Variants in AGAP1 observed in about 807,000 individuals in gnomAD.
AGAP1 encodes the protein ArfGAP with GTPase domain, ankyrin repeat and PH domain 1, also known as arf-GAP with GTPase, ANK repeat and PH domain-containing protein 1.
A neutral mutation model predicts 105.3 loss-of-function variants in AGAP1; 29 were observed. That is an observed-to-expected ratio of 0.28 (90% confidence interval 0.21 to 0.38). AGAP1 has a LOEUF of 0.38. Among genes scored for constraint, AGAP1 ranks in the 10% least tolerant of loss-of-function variants. AGAP1 has a pLI of 1.00. For missense variants in AGAP1, 998 were observed against 1,165.1 expected (o/e 0.86, Z 2.09); for synonymous variants, 509 against 485.9 (o/e 1.05, Z -0.63).
In AGAP1 at chr2:235,970,371, G is replaced by T. The variant is rs753811478; in HGVS notation, c.1645+1748G>T. On this transcript the variant is annotated intron_variant, in intron 13 of 17. Coordinates refer to ENST00000304032, the MANE Select transcript of AGAP1 (RefSeq NM_001037131.3). This position sits in a 1 kb window ranked among gnomAD's most constrained non-coding sequence, Gnocchi z 5.4. The stretch of plus-strand genomic sequence containing the variant: ...GTATCAGCCGCAGGCGCTCTGTGTT[G>T]GTAAGACTCCTTCAGACAACCGTTG... Among the ~76,000 whole-genome samples, 1 of 152,140 alleles carries T rather than the reference G, an allele frequency of 6.6e-6. No individual in the cohort carries two copies. Among genetic ancestry groups the T allele is most frequent in the Non-Finnish European group, 1.5e-5 (1 of 68,036 alleles).
rs1952309211 is a variant in AGAP1 at position 235,737,286 on chromosome 2, T to C, written c.311-3677T>C. On this transcript the variant is annotated intron_variant, in intron 3 of 17. Transcript: ENST00000304032. The surrounding 1 kb of genome is among the most constrained non-coding windows in gnomAD (Gnocchi z 4.5). ...GATTTAAGTGTAATACGAAAAAAAA[T>C]CATGCAAATCAATTACCAGTATCTG... is the stretch of plus-strand genomic sequence containing the variant. Among the ~76,000 whole-genome samples, 1 of 152,152 alleles carries C rather than the reference T, an allele frequency of 6.6e-6. No homozygotes were observed. Among genetic ancestry groups the C allele is most frequent in the Admixed American group, 6.5e-5 (1 of 15,278 alleles).
In AGAP1 at chr2:236,055,583, C is replaced by T. The variant is rs1193453616; in HGVS notation, c.2114+6302C>T. On this transcript the variant is annotated intron_variant, in intron 16 of 17. Transcript: ENST00000304032. The surrounding 1 kb of genome is among the most constrained non-coding windows in gnomAD (Gnocchi z 6.2). ...AGTGGGCCTGCCCTGGCCCCAGCCG[C>T]AGAGCGGGTCCACCCTCCCAGTTTC... 6.6e-6 allele frequency among the ~76,000 whole-genome samples: 1 copy of T among 152,286 alleles called. No homozygotes were observed. Among genetic ancestry groups the T allele is most frequent in the Non-Finnish European group, 1.5e-5 (1 of 68,056 alleles).
Position 235,877,616 on chromosome 2 carries a change from G to A in AGAP1, c.1051-5729G>A, listed in dbSNP as rs1043638354. The stretch of plus-strand genomic sequence containing the variant: ...AGCACCACTCATGACCTAGGAAGTC[G>A]GAGATGCCAACTCGGGCAGTGGAAT... On this transcript the variant is annotated intron_variant, in intron 9 of 17. Transcript: ENST00000304032. This position sits in a 1 kb window ranked among gnomAD's most constrained non-coding sequence, Gnocchi z 4.3. 6.6e-6 allele frequency among the ~76,000 whole-genome samples: 1 copy of A among 152,160 alleles called. No homozygotes were observed. The highest frequency in any genetic ancestry group is 2.4e-5 in the African/African-American group (1 of 41,436).
At position 236,061,439 on chromosome 2, in the gene AGAP1, G is replaced by A. The variant is rs559534683; in HGVS notation, c.2114+12158G>A. On this transcript the variant is annotated intron_variant, in intron 16 of 17. Transcript: ENST00000304032. The surrounding 1 kb of genome is among the most constrained non-coding windows in gnomAD (Gnocchi z 4.1). ...ACATCATTCATAATAGCCAAAAAGT[G>A]AAAGTAACCCAGGTGTCCCTCTGTG... Among the ~76,000 whole-genome samples the A allele has an allele frequency of 2.5e-4, 38 of 152,288 alleles. No individual in the cohort carries two copies. The highest frequency in any genetic ancestry group is 8.9e-4 in the African/African-American group (37 of 41,556).
chr2:235,978,335 T>G (rs1462518029), intron 13 of AGAP1, among the ~76,000 whole-genome samples: 1 of 151,714 alleles, frequency 6.6e-6, no homozygotes, highest in African/African-American at 2.4e-5. Flanking sequence ...TTTCATGGAC[T>G]GTCTCAGGTC....
chr2:235,729,768 G>A lies in AGAP1; in HGVS notation c.311-11195G>A, dbSNP rs1167912291. ...GCAGTTAGAAGAGTAAAGTGCATCT[G>A]TCAACAAAAGAAATACCAAAGATGA... On this transcript the variant is annotated intron_variant, in intron 3 of 17. Coordinates refer to ENST00000304032, the MANE Select transcript of AGAP1 (RefSeq NM_001037131.3). The surrounding 1 kb of genome is among the most constrained non-coding windows in gnomAD (Gnocchi z 5.0). Among the ~76,000 whole-genome samples the A allele has an allele frequency of 3.9e-5, 6 of 152,276 alleles. No homozygotes were observed. The highest frequency in any genetic ancestry group is 1.4e-4 in the African/African-American group (6 of 41,530).
rs933068241 is a variant in AGAP1, at chr2:235,741,490, C to A, written c.396+442C>A. Among the ~76,000 whole-genome samples the A allele has an allele frequency of 6.6e-6, 1 of 152,204 alleles. No individual in the cohort carries two copies. The highest frequency in any genetic ancestry group is 6.5e-5 in the Admixed American group (1 of 15,280). Reference sequence around the variant, plus strand: ...TGTCTCTGGTAACTACAGGCATTGGCCCCTCTGTGCCGCCCTGGCCTTGGC... The same window carrying A: ...TGTCTCTGGTAACTACAGGCATTGGACCCTCTGTGCCGCCCTGGCCTTGGC... On this transcript the variant is annotated intron_variant, in intron 4 of 17. Coordinates refer to ENST00000304032, the MANE Select transcript of AGAP1 (RefSeq NM_001037131.3). The surrounding 1 kb of genome is among the most constrained non-coding windows in gnomAD (Gnocchi z 4.9).
Position 235,702,163 on chromosome 2 carries a change from C to T in AGAP1, c.164-7016C>T, listed in dbSNP as rs76182168. On this transcript the variant is annotated intron_variant, in intron 1 of 17. Transcript: ENST00000304032. ...AATTGGGGGCTGGGCTGGGGGTGAA[C>T]GTGACACGGGAGACCATCAAGTCAT... Among the ~76,000 whole-genome samples the T allele has an allele frequency of 4.7e-3, 712 of 152,074 alleles. 6 individuals carry two copies. Among genetic ancestry groups the T allele is most frequent in the African/African-American group, 0.015 (627 of 41,492 alleles).
Position 235,927,039 on chromosome 2 carries a change from T to TA in AGAP1, c.1325-3725dup, listed in dbSNP as rs1232874183. On this transcript the variant is annotated intron_variant, in intron 11 of 17. Coordinates refer to ENST00000304032, the MANE Select transcript of AGAP1 (RefSeq NM_001037131.3). This position sits in a 1 kb window ranked among gnomAD's most constrained non-coding sequence, Gnocchi z 4.4. The stretch of plus-strand genomic sequence containing the variant: ...TGAGCTCAGCCTGGACGTCAGGCGA[T>TA]AGTCTGTGGATCTGATTGAAAGTTT... Among the ~76,000 whole-genome samples, 2 of 152,338 alleles carry TA rather than the reference T, an allele frequency of 1.3e-5. No homozygotes were observed. Among genetic ancestry groups the TA allele is most frequent in the Admixed American group, 6.5e-5 (1 of 15,308 alleles).
rs1209023762 is a variant in AGAP1, at chr2:236,123,784, G to C, written c.2371-135G>C. On this transcript the variant is annotated intron_variant, in intron 17 of 17. Transcript: ENST00000304032. The surrounding 1 kb of genome is among the most constrained non-coding windows in gnomAD (Gnocchi z 4.6). Reference sequence around the variant, plus strand: ...TGTGCCACCAGCACTGGATGGTCCTGGCACCCCAGCCAGTTGTGTAGCTGG... The same window carrying C: ...TGTGCCACCAGCACTGGATGGTCCTCGCACCCCAGCCAGTTGTGTAGCTGG... 9.1e-7 allele frequency: 1 copy of C among 1,098,336 alleles called. No homozygotes were observed. Among genetic ancestry groups the C allele is most frequent in the Non-Finnish European group, 1.3e-6 (1 of 755,092 alleles). 68.0% of individuals were successfully genotyped at this position (1,098,336 alleles called of 1,614,324 possible). A position where few individuals can be genotyped will look rare whatever the true frequency, so the allele number is the denominator to read the frequency against.
chr2:235,703,805 G>A (rs7601161), intron 1 of AGAP1, among the ~76,000 whole-genome samples: 11,579 of 151,934 alleles, frequency 0.076, 1,444 homozygotes, highest in African/African-American at 0.26. Context: ...CCATGTTGAC[G>A]AGGCTAGTCT....
In AGAP1 at chr2:235,552,172, C is replaced by T. The variant is rs1214857123; in HGVS notation, c.163+57323C>T. ...TTTGTTGTGTGCTTGGTGTTCATTGCCCCGTAACTCTGGCCGCGGTAGTCT... is the reference window on the plus strand; with the variant it reads ...TTTGTTGTGTGCTTGGTGTTCATTGTCCCGTAACTCTGGCCGCGGTAGTCT... On this transcript the variant is annotated intron_variant, in intron 1 of 17. Transcript: ENST00000304032. The surrounding 1 kb of genome is among the most constrained non-coding windows in gnomAD (Gnocchi z 5.9). 6.6e-6 allele frequency among the ~76,000 whole-genome samples: 1 copy of T among 152,158 alleles called. No individual in the cohort carries two copies. The highest frequency in any genetic ancestry group is 1.5e-5 in the Non-Finnish European group (1 of 68,032).
At chr2:235,545,634 G>A (rs1036837938) in intron 1 of AGAP1, among the ~76,000 whole-genome samples, 3 of 152,316 alleles carry the variant, frequency 2.0e-5, no homozygotes, top group South Asian at 4.1e-4. Flanking sequence ...CTTCCTGGAG[G>A]CTCTCCCTGC....
intron 1 of AGAP1, among the ~76,000 whole-genome samples, chr2:235,565,834 AT>A (rs1274370663): frequency 1.3e-5 from 2 of 151,882 alleles, no homozygotes; most frequent in Non-Finnish European, 2.9e-5. Flanking sequence ...CTCATTTTTT[AT>A]TTTGATAGAG....
chr2:235,636,322 C>T (rs1037952118), intron 1 of AGAP1, among the ~76,000 whole-genome samples: 10 of 151,976 alleles, frequency 6.6e-5, no homozygotes, highest in African/African-American at 2.4e-4. Flanking sequence ...GAAAGTGTCC[C>T]CTGCCCCCAA....
chr2:235,974,474 C>A (rs188069455), intron 13 of AGAP1, among the ~76,000 whole-genome samples: 5 of 152,214 alleles, frequency 3.3e-5, no homozygotes, highest in African/African-American at 7.2e-5. Flanking sequence ...TGTTATCCCC[C>A]CCTTGGGTTC....
At chr2:235,933,625 C>G (rs1023224716) in intron 12 of AGAP1, among the ~76,000 whole-genome samples, 1 of 151,676 alleles carries the variant, frequency 6.6e-6, no homozygotes, top group African/African-American at 2.4e-5. Flanking sequence ...CTCCGCCTCC[C>G]GGACTCAAGC....
chr2:235,603,730 G>GTGAGT (rs746920618), intron 1 of AGAP1, among the ~76,000 whole-genome samples: 7 of 152,194 alleles, frequency 4.6e-5, no homozygotes, highest in Non-Finnish European at 1.0e-4. Context: ...CCTCTTGACA[G>GTGAGT]TGAGTGTCTC....
In AGAP1 at chr2:235,930,808, C is replaced by A; in HGVS notation, c.1368C>A (p.Ile456=). The change falls in exon 12 of 18, where the codon ATC becomes ATA. Residue 456 remains isoleucine, a synonymous_variant. Coordinates refer to ENST00000304032, the MANE Select transcript of AGAP1 (RefSeq NM_001037131.3). This position sits in a 1 kb window ranked among gnomAD's most constrained non-coding sequence, Gnocchi z 7.9. ...SASGSQMASG[I]SLVSFNSRPD... ...CTGGGTCTCAGATGGCAAGCGGCAT[C>A]AGCCTGGTCTCCTTCAACAGCCGAC... The A allele has an allele frequency of 6.2e-7, 1 of 1,614,130 alleles. No homozygotes were observed. Among genetic ancestry groups the A allele is most frequent in the Non-Finnish European group, 8.5e-7 (1 of 1,180,030 alleles).
Sources: allele counts gnomAD v4.1 joint callset (sites outside exome capture counted in the v4.1 genomes callset), GRCh38; gene constraint gnomAD v4.1.1; non-coding constraint Gnocchi (gnomAD v3.1); transcripts MANE v1.5; gene names NCBI Gene and HGNC (gene_info 2026-07-23, HGNC 2026-07-21).